The following ZC4H2 variants were observed in gnomAD, a reference collection of about 807,000 sequenced individuals.
ZC4H2 encodes zinc finger C4H2-type containing.
For missense variants in ZC4H2, 137 were observed against 173.9 expected (o/e 0.79, Z 1.19); for synonymous variants, 84 against 66.3 (o/e 1.27, Z -1.30).
At chrX:64,972,684 G>T (rs761052012) in intron 1 of ZC4H2, among the ~76,000 whole-genome samples, 2 of 111,667 alleles carry the variant, frequency 1.8e-5, no homozygotes, top group African/African-American at 6.5e-5. Context: ...GTCCTTATCC[G>T]TAAAGTGGGG....
At chrX:65,009,843 G>A (rs1932730663) in intron 1 of ZC4H2, among the ~76,000 whole-genome samples, 1 of 111,551 alleles carries the variant, frequency 9.0e-6, no homozygotes, top group Non-Finnish European at 1.9e-5. Context: ...CTTTGACCCA[G>A]GAGTGTCATA....
chrX:64,952,960 G>T (rs1183645309), intron 1 of ZC4H2, among the ~76,000 whole-genome samples: 1 of 111,602 alleles, frequency 9.0e-6, no homozygotes, highest in Admixed American at 9.5e-5. Flanking sequence ...CATGGTACTG[G>T]TACCAAAACA....
At chrX:64,995,665 T>TA (rs1318479983) in intron 1 of ZC4H2, among the ~76,000 whole-genome samples, 1 of 112,283 alleles carries the variant, frequency 8.9e-6, no homozygotes, top group East Asian at 2.8e-4. Flanking sequence ...AGGCCTTAGG[T>TA]ACACTTAGCT....
At chrX:64,958,008 C>T (rs981024618) in intron 1 of ZC4H2, among the ~76,000 whole-genome samples, 3 of 111,910 alleles carry the variant, frequency 2.7e-5, no homozygotes, top group Non-Finnish European at 3.8e-5. Flanking sequence ...GAAAACAATG[C>T]CTTCTTCTGG....
In ZC4H2 at chrX:64,917,719, CATCA is replaced by C; in HGVS notation, c.*60_*63del. ...GGGCAAGGGTTGTTTCACATCAGGA[CATCA>C]ATGACTCTGGTCAAGGTGAGGGGTT... is the stretch of plus-strand genomic sequence containing the variant. On this transcript the variant is annotated 3_prime_UTR_variant, in exon 5 of 5. Coordinates refer to ENST00000374839, the MANE Select transcript of ZC4H2 (RefSeq NM_018684.4). The C allele has an allele frequency of 8.5e-7, 1 of 1,174,338 alleles. No homozygotes were observed. Among genetic ancestry groups the C allele is most frequent in the Non-Finnish European group, 1.1e-6 (1 of 876,088 alleles).
intron 1 of ZC4H2, among the ~76,000 whole-genome samples, chrX:64,928,641 T>C (rs868095018): frequency 2.5e-5 from 2 of 79,547 alleles, no homozygotes; most frequent in Non-Finnish European, 5.5e-5. Flanking sequence ...TCCTTCTTCT[T>C]CTTCTTCTTC....
At chrX:64,965,448 C>T (rs945771584) in intron 1 of ZC4H2, 1 of 321,681 alleles carries the variant, frequency 3.1e-6, no homozygotes, top group South Asian at 2.8e-5. Flanking sequence ...ATCCTTAACC[C>T]GTACCTTGCA....
chrX:64,990,381 A>C, intron 1 of ZC4H2, among the ~76,000 whole-genome samples: 1 of 111,464 alleles, frequency 9.0e-6, no homozygotes, highest in South Asian at 3.9e-4. Context: ...GGAGGGAAGT[A>C]GGTGTGGCTA....
chrX:65,021,090 C>A (rs907025149), intron 1 of ZC4H2, among the ~76,000 whole-genome samples: 2 of 110,477 alleles, frequency 1.8e-5, no homozygotes, highest in Non-Finnish European at 3.8e-5. Context: ...GATTTTAACA[C>A]CCCACTGTCA....
At chrX:65,016,870 G>T (rs1932801277) in intron 1 of ZC4H2, among the ~76,000 whole-genome samples, 1 of 111,703 alleles carries the variant, frequency 9.0e-6, no homozygotes. Flanking sequence ...TAAAAAGAAA[G>T]AACTTTGATG....
chrX:64,923,193 C>T (rs1929283099), intron 1 of ZC4H2, among the ~76,000 whole-genome samples: 1 of 111,883 alleles, frequency 8.9e-6, no homozygotes, highest in African/African-American at 3.2e-5. Flanking sequence ...AAAGTGTACA[C>T]ACTAAGATTA....
chrX:65,027,509 G>C (rs60930767), intron 1 of ZC4H2, among the ~76,000 whole-genome samples: 12 of 111,483 alleles, frequency 1.1e-4, no homozygotes, highest in Non-Finnish European at 1.3e-4. Context: ...ATGAATATGA[G>C]AGATATTTAG....
chrX:65,010,546 AT>A (rs1184339083), intron 1 of ZC4H2, among the ~76,000 whole-genome samples: 2 of 111,669 alleles, frequency 1.8e-5, no homozygotes, highest in Non-Finnish European at 3.8e-5. Flanking sequence ...TATTGAAGCT[AT>A]CCCATAGTAG....
chrX:64,984,769 A>G (rs977019895), intron 1 of ZC4H2, among the ~76,000 whole-genome samples: 2 of 111,704 alleles, frequency 1.8e-5, no homozygotes, highest in Non-Finnish European at 3.8e-5. Flanking sequence ...CAAGAAGGGG[A>G]TTTGTTTTGG....
intron 1 of ZC4H2, among the ~76,000 whole-genome samples, chrX:65,026,000 G>C (rs1319630376): frequency 1.8e-5 from 2 of 111,788 alleles, no homozygotes; most frequent in African/African-American, 6.5e-5. Flanking sequence ...CAGAGAGAGA[G>C]AGCATTGCTG....
chrX:64,962,617 C>T (rs985085408), intron 1 of ZC4H2, among the ~76,000 whole-genome samples: 3 of 111,400 alleles, frequency 2.7e-5, no homozygotes, highest in African/African-American at 9.8e-5. Context: ...TTGCTGTTTT[C>T]AGTTGACAAA....
At chrX:64,985,136 T>C (rs868456074) in intron 1 of ZC4H2, among the ~76,000 whole-genome samples, 1 of 112,443 alleles carries the variant, frequency 8.9e-6, no homozygotes, top group Non-Finnish European at 1.9e-5. Context: ...TTTGCTGTTG[T>C]AAATAGTGCT....
intron 1 of ZC4H2, among the ~76,000 whole-genome samples, chrX:64,930,282 G>T (rs190644129): frequency 3.9e-4 from 43 of 111,367 alleles, no homozygotes; most frequent in African/African-American, 1.4e-3. Context: ...ATTCTTTAGG[G>T]TATTCTAGGC....
chrX:64,933,094 T>A (rs1386103509), intron 1 of ZC4H2, among the ~76,000 whole-genome samples: 2 of 111,953 alleles, frequency 1.8e-5, no homozygotes, highest in Admixed American at 9.5e-5. Context: ...TTGGGTTATT[T>A]CGAAAGTCTT....
Sources: allele counts gnomAD v4.1 joint callset (sites outside exome capture counted in the v4.1 genomes callset), GRCh38; gene constraint gnomAD v4.1.1; transcripts MANE v1.5; gene names NCBI Gene and HGNC (gene_info 2026-07-23, HGNC 2026-07-21).